ITGA9: variants seen among roughly 807,000 people sequenced by gnomAD.
The protein encoded by ITGA9 is integrin subunit alpha 9.
Under a neutral mutation model 127.8 loss-of-function variants are expected in ITGA9, and 56 were observed. The ratio of observed to expected loss-of-function variants is 0.44; its 90% CI spans 0.35 to 0.55. The LOEUF (loss-of-function observed/expected upper bound fraction) is 0.55, where lower values mean the gene tolerates loss of function less well. ITGA9 is among the 20% of genes least tolerant of loss of function. The probability of loss-of-function intolerance (pLI) is 0.00; values close to 1 mark genes in which losing one functional copy is unlikely to be tolerated. For synonymous variants in ITGA9, 508 were observed against 514.5 expected, an observed-to-expected ratio of 0.99 and a Z score of 0.17; for missense variants, 1,196 against 1,347.1, an observed-to-expected ratio of 0.89 and a Z score of 1.76.
chr3:37,712,584 T>C (rs1701090850), intron 18 of ITGA9, among the ~76,000 whole-genome samples: 1 of 152,230 alleles, frequency 6.6e-6, no homozygotes. Context: ...CCACAGCTTC[T>C]GGTTGGACCT....
At chr3:37,494,702 C>G (rs1360052838) in intron 5 of ITGA9, 134 bp downstream of exon 5, 1 of 759,282 alleles carries the variant, frequency 1.3e-6, no homozygotes, top group Non-Finnish European at 2.3e-6. Context: ...AGATTCTGGT[C>G]CTCACACCAG....
intron 9 of ITGA9, among the ~76,000 whole-genome samples, chr3:37,515,240 TA>T (rs1223545949): frequency 6.6e-6 from 1 of 152,192 alleles, no homozygotes; most frequent in African/African-American, 2.4e-5. Flanking sequence ...GCTCTCTGGA[TA>T]GATGTTTAGT....
intron 17 of ITGA9, among the ~76,000 whole-genome samples, chr3:37,667,529 G>T (rs1432921925): frequency 1.3e-5 from 2 of 152,188 alleles, no homozygotes; most frequent in African/African-American, 4.8e-5. Flanking sequence ...TGGGAGTGAC[G>T]TGGGCCAAGC....
At chr3:37,666,798 T>C (rs1700590789) in intron 17 of ITGA9, among the ~76,000 whole-genome samples, 1 of 152,222 alleles carries the variant, frequency 6.6e-6, no homozygotes, top group Non-Finnish European at 1.5e-5. Context: ...CCAGAGAGGC[T>C]GTCAATCAGT....
At chr3:37,779,695 C>CT (rs1318250883) in intron 24 of ITGA9, among the ~76,000 whole-genome samples, 1 of 152,016 alleles carries the variant, frequency 6.6e-6, no homozygotes, top group Non-Finnish European at 1.5e-5. Context: ...AGTTGCTTGA[C>CT]TTAAAGGCAT....
intron 15 of ITGA9, among the ~76,000 whole-genome samples, chr3:37,565,079 G>A (rs1028840785): frequency 6.6e-6 from 1 of 152,194 alleles, no homozygotes; most frequent in Non-Finnish European, 1.5e-5. Flanking sequence ...TGCATGGCCA[G>A]CCTGGTGACG....
intron 19 of ITGA9, 97 bp downstream of exon 19, chr3:37,732,895 A>C (rs1575212628): frequency 1.1e-6 from 1 of 897,572 alleles, no homozygotes. Context: ...GAGTCCTCCC[A>C]CCCCCTGCCT....
chr3:37,605,884 CT>C (rs912028665), intron 15 of ITGA9, among the ~76,000 whole-genome samples: 5 of 151,476 alleles, frequency 3.3e-5, no homozygotes, highest in Admixed American at 1.3e-4. Flanking sequence ...TGATTAAACC[CT>C]TTTTTTTTAA....
rs1187286891 is a variant in ITGA9 at position 37,814,008 on chromosome 3, C to A, written c.3010-4883C>A. On this transcript the variant is annotated intron_variant, in intron 27 of 27. Coordinates refer to ENST00000264741, the MANE Select transcript of ITGA9 (RefSeq NM_002207.3). The surrounding 1 kb of genome is among the most constrained non-coding windows in gnomAD (Gnocchi z 4.3). ...TTTATTTGTTTCTTTCAAAAATTAACAGATTTTTAAAAATTGAAAATTGAA... is the reference window on the plus strand; with the variant it reads ...TTTATTTGTTTCTTTCAAAAATTAAAAGATTTTTAAAAATTGAAAATTGAA... Among the ~76,000 whole-genome samples, 2 of 152,086 alleles carry A rather than the reference C, an allele frequency of 1.3e-5. No individual in the cohort carries two copies. Among genetic ancestry groups the A allele is most frequent in the Non-Finnish European group, 1.5e-5 (1 of 68,022 alleles).
chr3:37,579,751 A>T (rs1478000291), intron 15 of ITGA9, among the ~76,000 whole-genome samples: 1 of 152,134 alleles, frequency 6.6e-6, no homozygotes, highest in Non-Finnish European at 1.5e-5. Context: ...CTCCTATCAG[A>T]TCCTAGGCCA....
intron 22 of ITGA9, among the ~76,000 whole-genome samples, chr3:37,744,980 A>G (rs1429273901): frequency 1.3e-5 from 2 of 152,186 alleles, no homozygotes; most frequent in Non-Finnish European, 2.9e-5. Context: ...CATAGGACAC[A>G]ACAGTCCATA....
At chr3:37,547,549 T>C (rs78399880) in intron 15 of ITGA9, among the ~76,000 whole-genome samples, 37 of 148,410 alleles carry the variant, frequency 2.5e-4, no homozygotes, top group East Asian at 1.6e-3. Context: ...TGATCAAAAC[T>C]TTTTTTTTTT....
chr3:37,629,530 C>CT lies in ITGA9; in HGVS notation c.1839+195dup, dbSNP rs2125635563. 1.5e-6 allele frequency: 1 copy of CT among 673,184 alleles called. No homozygotes were observed. The highest frequency in any genetic ancestry group is 1.6e-5 in the South Asian group (1 of 61,278). 41.7% of individuals were successfully genotyped at this position (673,184 alleles called of 1,614,324 possible). A position where few individuals can be genotyped will look rare whatever the true frequency, so the allele number is the denominator to read the frequency against. ...CAGTCTTAGGGGTTACTTGTGACTA[C>CT]TGTGGGACTTAAACACTTTCAGACA... On this transcript the variant is annotated intron_variant, in intron 16 of 27. Transcript: ENST00000264741. The surrounding 1 kb of genome is among the most constrained non-coding windows in gnomAD (Gnocchi z 4.5).
chr3:37,594,289 G>T (rs1308649143), intron 15 of ITGA9, among the ~76,000 whole-genome samples: 1 of 152,188 alleles, frequency 6.6e-6, no homozygotes, highest in Non-Finnish European at 1.5e-5. Flanking sequence ...CTGGGGAGGG[G>T]ACTCACATCT....
intron 9 of ITGA9, among the ~76,000 whole-genome samples, chr3:37,517,123 C>T (rs114738166): frequency 0.01 from 1,525 of 152,188 alleles, 11 homozygotes; most frequent in Middle Eastern, 0.017. Flanking sequence ...AAATGTATAC[C>T]CTTTTAAAAC....
intron 14 of ITGA9, among the ~76,000 whole-genome samples, chr3:37,541,774 C>T (rs1699275327): frequency 6.6e-6 from 1 of 152,188 alleles, no homozygotes; most frequent in South Asian, 2.1e-4. Context: ...CATCTGGGTT[C>T]CTGTGCATGT....
chr3:37,708,986 T>A (rs1701046537), intron 18 of ITGA9, among the ~76,000 whole-genome samples: 1 of 151,710 alleles, frequency 6.6e-6, no homozygotes, highest in Non-Finnish European at 1.5e-5. Flanking sequence ...CCAGCACCAC[T>A]TAATATGTGT....
chr3:37,505,302 T>C (rs1034279362), intron 6 of ITGA9, among the ~76,000 whole-genome samples: 1 of 152,192 alleles, frequency 6.6e-6, no homozygotes, highest in Non-Finnish European at 1.5e-5. Context: ...CTGAAAGAGA[T>C]ACCTAAAGAC....
At position 37,697,487 on chromosome 3, in the gene ITGA9, C is replaced by G. The variant is rs539337515; in HGVS notation, c.2067+13472C>G. ...TCTCCTAATGCTGTCCCTCCCCTTG[C>G]CCCCAACCCCACGACAGGCCCCCAT... On this transcript the variant is annotated intron_variant, in intron 18 of 27. Coordinates refer to ENST00000264741, the MANE Select transcript of ITGA9 (RefSeq NM_002207.3). 1.3e-3 allele frequency among the ~76,000 whole-genome samples: 199 copies of G among 151,912 alleles called. 1 individual carries two copies. Among genetic ancestry groups the G allele is most frequent in the African/African-American group, 4.6e-3 (189 of 41,428 alleles).
Sources: gnomAD v4.1 joint callset for allele counts (sites outside exome capture counted in the v4.1 genomes callset) on GRCh38, gnomAD v4.1.1 for gene constraint, Gnocchi (gnomAD v3.1) non-coding constraint, MANE v1.5 for transcripts, NCBI Gene and HGNC (gene_info 2026-07-23, HGNC 2026-07-21) for gene names.